Variants in LILRB2 observed in about 807,000 individuals in gnomAD.
The protein encoded by LILRB2 is leukocyte immunoglobulin-like receptor subfamily B member 2.
Under a neutral mutation model 72.7 loss-of-function variants are expected in LILRB2, and 47 were observed. The ratio of observed to expected loss-of-function variants is 0.65; its 90% CI spans 0.51 to 0.82. LILRB2 has a LOEUF of 0.82. Among genes scored for constraint, LILRB2 ranks in the 40% least tolerant of loss-of-function variants. LILRB2 has a pLI of 0.00. For missense variants in LILRB2, 767 were observed against 764.8 expected (o/e 1.00, Z -0.03); for synonymous variants, 279 against 313.7 (o/e 0.89, Z 1.17).
chr19:54,278,626 C>A (rs2080376821), intron 6 of LILRB2, 64 bp from the exon 7 acceptor site: 16 of 1,577,036 alleles, frequency 1.0e-5, no homozygotes, highest in Non-Finnish European at 1.4e-5. Flanking sequence ...CCTCCCCAGG[C>A]CTCTCTAGGA....
chr19:54,280,191 C>T lies in LILRB2; in HGVS notation c.70+73G>A, dbSNP rs1027450254. ...TCAGTCCAGAACTTCTAATCCCCAT[C>T]CCCAGCTGCACGGAGGTGGCCCCTT... On this transcript the variant is annotated intron_variant, in intron 3 of 13. Coordinates refer to ENST00000314446, the MANE Select transcript of LILRB2 (RefSeq NM_001080978.4). 9 of 1,612,808 alleles carry T rather than the reference C, an allele frequency of 5.6e-6. No individual in the cohort carries two copies. In the East Asian group the frequency reaches 1.6e-4, roughly 28 times the overall value.
Position 54,279,971 on chromosome 19 carries a change from G to T in LILRB2, c.175C>A (p.Arg59Ser). The T allele has an allele frequency of 6.2e-7, 1 of 1,614,066 alleles. No homozygotes were observed. The highest frequency in any genetic ancestry group is 8.5e-7 in the Non-Finnish European group (1 of 1,179,986). Residue 59 changes from arginine (R) to serine (S), a missense_variant, in exon 4 of 14, where the codon CGT (arginine) becomes AGT (serine). By Grantham distance (110) the Arg-to-Ser change is moderately radical (BLOSUM62 -1). Transcript: ENST00000314446. ...CQGSLEAQEY[R>S]LYREKKSASW... The stretch of plus-strand genomic sequence containing the variant: ...GCTGATTTTTTCTCCCTATATAGAC[G>T]GTACTCCTGGGCTTCAAGGCTCCCC...
intron 9 of LILRB2, 177 bp from the exon 10 acceptor site, chr19:54,277,106 C>T (rs1404615178): frequency 1.6e-5 from 24 of 1,495,414 alleles, no homozygotes; most frequent in East Asian, 7.4e-5. Flanking sequence ...AGAGGGGAAT[C>T]GCCTGCCCCG....
chr19:54,275,487 G>T (rs552503664), intron 13 of LILRB2: 64 of 517,192 alleles, frequency 1.2e-4, no homozygotes, highest in South Asian at 9.8e-4. Flanking sequence ...CTTTAAGCAC[G>T]TTGCACTCCT....
chr19:54,277,430 G>C, intron 9 of LILRB2, 120 bp downstream of exon 9: 1 of 1,444,726 alleles, frequency 6.9e-7, no homozygotes, highest in South Asian at 1.2e-5. Flanking sequence ...AGAAACTGAG[G>C]CCCAGGCAGG....
In LILRB2 at chr19:54,274,042, TTGTGAAAA is replaced by T; in HGVS notation, c.*633_*640del. 6.5e-6 allele frequency: 1 copy of T among 152,838 alleles called. No homozygotes were observed. The highest frequency in any genetic ancestry group is 2.1e-4 in the South Asian group (1 of 4,860). 9.5% of individuals were successfully genotyped at this position (152,838 alleles called of 1,614,324 possible). A position where few individuals can be genotyped will look rare whatever the true frequency, so the allele number is the denominator to read the frequency against. On this transcript the variant is annotated 3_prime_UTR_variant, in exon 14 of 14. Coordinates refer to ENST00000314446, the MANE Select transcript of LILRB2 (RefSeq NM_001080978.4). ...GTTTGCAGCCTGTTCTGGGGTTAGT[TTGTGAAAA>T]TGTGTGTAGGATCTGCTGGGCTGTC...
chr19:54,280,426 C>T, intron 2 of LILRB2, 37 bp downstream of exon 2: 7 of 1,614,046 alleles, frequency 4.3e-6, no homozygotes, highest in Non-Finnish European at 5.9e-6. Flanking sequence ...TGAGGTCCCT[C>T]CTAGGTTAGA....
At position 54,274,659 on chromosome 19, in the gene LILRB2, T is replaced by A; in HGVS notation, c.*24A>T. 2 of 1,613,856 alleles carry A rather than the reference T, an allele frequency of 1.2e-6. No individual in the cohort carries two copies. Among genetic ancestry groups the A allele is most frequent in the Non-Finnish European group, 1.7e-6 (2 of 1,179,970 alleles). ...CAGTCCTGAGTCTCCTTCTACTGAG[T>A]GTGGAGTCTGCGTACCCTCCGGGCT... On this transcript the variant is annotated 3_prime_UTR_variant, in exon 14 of 14. Coordinates refer to ENST00000314446, the MANE Select transcript of LILRB2 (RefSeq NM_001080978.4).
chr19:54,280,493 T>C lies in LILRB2; in HGVS notation c.4A>G (p.Thr2Ala), dbSNP rs753488747. MTPIVTVLICLG... is the reference protein window; with the variant it reads MAPIVTVLICLG... ...CAGATCAGGACTGTGACGATGGGGGTCATGGCGTCTCCTCCCACTGCCCTG... is the reference window on the plus strand; with the variant it reads ...CAGATCAGGACTGTGACGATGGGGGCCATGGCGTCTCCTCCCACTGCCCTG... Residue 2 changes from threonine to alanine, a missense_variant, in exon 2 of 14, where the codon ACC (threonine) becomes GCC (alanine). Physicochemically the swap from Thr to Ala is moderately conservative, Grantham distance 58. Around this residue, in one of 3 missense-constraint regions of LILRB2, gnomAD observed 599 missense variants for 568.2 expected, o/e 1.05. Coordinates refer to ENST00000314446, the MANE Select transcript of LILRB2 (RefSeq NM_001080978.4). The C allele has an allele frequency of 1.2e-5, 19 of 1,611,428 alleles. No homozygotes were observed. The highest frequency in any genetic ancestry group is 1.3e-5 in the Non-Finnish European group (15 of 1,179,180).
intron 13 of LILRB2, chr19:54,275,183 A>G (rs2080165162): frequency 1.4e-6 from 2 of 1,412,744 alleles, no homozygotes; most frequent in African/African-American, 1.4e-5. Flanking sequence ...AATCTCAGGG[A>G]CGCCCTAAGG....
At chr19:54,275,725 G>A (rs1007774818) in intron 13 of LILRB2, 147 of 683,192 alleles carry the variant, frequency 2.2e-4, no homozygotes, top group Non-Finnish European at 3.4e-4. Context: ...ACAACCAGAC[G>A]GCCAAACAGA....
Position 54,278,319 on chromosome 19 carries a change from A to C in LILRB2, c.1199T>G (p.Leu400Arg), listed in dbSNP as rs4993130. ...HAGTYRCYGS[L>R]NSDPYLLSHP... ...AGACAGCAGGTAGGGGTCGGAGTTG[A>C]GTGAGCCGTAGCACCTGTAGGTCCC... Residue 400 changes from leucine to arginine, a missense_variant, in exon 7 of 14, where the codon CTC (leucine) becomes CGC (arginine). Transcript: ENST00000314446. 972 of 1,613,248 alleles carry C rather than the reference A, an allele frequency of 6.0e-4. 5 individuals carry two copies. Among genetic ancestry groups the C allele is most frequent in the African/African-American group, 5.2e-3 (388 of 74,876 alleles).
rs748415739 is a variant in LILRB2 at position 54,274,776 on chromosome 19, C to A, written c.1701G>T (p.Leu567Phe). The part of the protein sequence containing the change: ...QDVTYAQLHS[L>F]TLRRKATEPP... ...GCTCAGTTGCCTTCCGTCTGAGGGT[C>A]AAGCTGTGCAGCTGGGCGTAGGTCA... The change falls in exon 14 of 14, where the codon TTG (leucine) becomes TTT (phenylalanine). Residue 567 changes from leucine to phenylalanine, a missense_variant. By Grantham distance (22) the Leu-to-Phe change is conservative (BLOSUM62 0). This residue lies in a region of LILRB2 where 162 missense variants were observed against 176.7 expected (regional missense o/e 0.92). Coordinates refer to ENST00000314446, the MANE Select transcript of LILRB2 (RefSeq NM_001080978.4). 1.5e-5 allele frequency: 24 copies of A among 1,612,012 alleles called. No homozygotes were observed. Among genetic ancestry groups the A allele is most frequent in the African/African-American group, 4.0e-5 (3 of 74,094 alleles).
intron 4 of LILRB2, 65 bp from the exon 5 acceptor site, chr19:54,279,712 G>A (rs955489716): frequency 6.2e-7 from 1 of 1,606,358 alleles, no homozygotes; most frequent in East Asian, 2.2e-5. Flanking sequence ...CCAGGGCTGG[G>A]CTGTGAGAGG....
At position 54,274,630 on chromosome 19, in the gene LILRB2, T is replaced by G; in HGVS notation, c.*53A>C. ...TCCACTGGGGGCAGCTCCCGTGCCT[T>G]CAGCAGTCCTGAGTCTCCTTCTACT... On this transcript the variant is annotated 3_prime_UTR_variant, in exon 14 of 14. Coordinates refer to ENST00000314446, the MANE Select transcript of LILRB2 (RefSeq NM_001080978.4). 1 of 1,613,152 alleles carries G rather than the reference T, an allele frequency of 6.2e-7. No individual in the cohort carries two copies. The highest frequency in any genetic ancestry group is 8.5e-7 in the Non-Finnish European group (1 of 1,179,284).
intron 9 of LILRB2, chr19:54,277,320 G>A (rs1175012832): frequency 2.3e-6 from 3 of 1,292,100 alleles, no homozygotes; most frequent in Admixed American, 4.3e-5. Context: ...ATCGAGTCTT[G>A]GAGTCTTCCC....
chr19:54,279,555 A>G lies in LILRB2; in HGVS notation c.448T>C (p.Phe150Leu). ...VTLQCESQVAFGGFILCKEGE... is the reference protein window; with the variant it reads ...VTLQCESQVALGGFILCKEGE... ...TCCTTACACAGAATGAAGCCGCCAAATGCCACCTGTGACTCACACTGGAGG... is the reference window on the plus strand; with the variant it reads ...TCCTTACACAGAATGAAGCCGCCAAGTGCCACCTGTGACTCACACTGGAGG... The change falls in exon 5 of 14, where the codon TTT (phenylalanine) becomes CTT (leucine). Residue 150 changes from phenylalanine to leucine, a missense_variant. Phe to Leu is a conservative substitution (Grantham distance 22). Coordinates refer to ENST00000314446, the MANE Select transcript of LILRB2 (RefSeq NM_001080978.4). 1 of 1,614,084 alleles carries G rather than the reference A, an allele frequency of 6.2e-7. No homozygotes were observed. Among genetic ancestry groups the G allele is most frequent in the African/African-American group, 1.3e-5 (1 of 74,990 alleles).
At chr19:54,276,991 A>C in intron 9 of LILRB2, 62 bp from the exon 10 acceptor site, 1 of 1,557,896 alleles carries the variant, frequency 6.4e-7, no homozygotes, top group Non-Finnish European at 8.7e-7. Context: ...TACTGTGTGC[A>C]GGTGACTGCT....
chr19:54,276,849 GGAA>G lies in LILRB2; in HGVS notation c.1435_1437del (p.Phe479del), dbSNP rs2080251331. On this transcript the variant is annotated inframe_deletion, in exon 10 of 14. Coordinates refer to ENST00000314446, the MANE Select transcript of LILRB2 (RefSeq NM_001080978.4). ...CCCTGACGTCGATGTCGGAGGATGAGGAAGAGGAGGAGGAGGAGGAGGAGCAGT... is the reference window on the plus strand; with the variant it reads ...CCCTGACGTCGATGTCGGAGGATGAGGAGGAGGAGGAGGAGGAGGAGCAGT... 6.2e-7 allele frequency: 1 copy of G among 1,613,900 alleles called. No homozygotes were observed. The highest frequency in any genetic ancestry group is 1.3e-5 in the African/African-American group (1 of 74,892).
Sources: allele counts gnomAD v4.1 joint callset, GRCh38; gene constraint gnomAD v4.1.1; regional missense constraint gnomAD v4.1.1; transcripts MANE v1.5; gene names NCBI Gene and HGNC (gene_info 2026-07-23, HGNC 2026-07-21).